TNKS: variants seen among roughly 807,000 people sequenced by gnomAD.
TNKS encodes poly [ADP-ribose] polymerase tankyrase-1.
TNKS carries 72 observed loss-of-function variants against 135.8 expected under a neutral mutation model. The observed-to-expected ratio is 0.53, with a 90% CI of 0.44 to 0.64. The LOEUF (loss-of-function observed/expected upper bound fraction) is 0.64. Ranked by LOEUF, TNKS falls within the 30% of genes least tolerant of loss-of-function variation. The pLI, the probability that TNKS is intolerant of heterozygous loss-of-function variation, is 0.00. For synonymous variants in TNKS, 849 were observed against 649.3 expected (o/e 1.31, Z -4.68); for missense variants, 1,769 against 1,674.0 (o/e 1.06, Z -0.99).
chr8:9,591,676 G>A (rs1330997976), intron 2 of TNKS, among the ~76,000 whole-genome samples: 1 of 152,148 alleles, frequency 6.6e-6, no homozygotes, highest in Non-Finnish European at 1.5e-5. Context: ...TTGGATGTGT[G>A]TATTGTGAAT....
At position 9,766,383 on chromosome 8, in the gene TNKS, G is replaced by A. The variant is rs1480984198; in HGVS notation, c.3698G>A (p.Gly1233Asp). 1 of 1,613,518 alleles carries A rather than the reference G, an allele frequency of 6.2e-7. No individual in the cohort carries two copies. Among genetic ancestry groups the A allele is most frequent in the Admixed American group, 1.7e-5 (1 of 59,998 alleles). The change falls in exon 25 of 27, where the codon GGC (glycine) becomes GAC (aspartate). Residue 1233 changes from glycine to aspartate, a missense_variant. Coordinates refer to ENST00000310430, the MANE Select transcript of TNKS (RefSeq NM_003747.3). Reference sequence around the variant, plus strand: ...GTTTATGGAATTGGAGGAGGAACAGGCTGCCCTACACACAAGGACAGGTCA... The same window carrying A: ...GTTTATGGAATTGGAGGAGGAACAGACTGCCCTACACACAAGGACAGGTCA... ...QYVYGIGGGTGCPTHKDRSCY... is the reference protein window; with the variant it reads ...QYVYGIGGGTDCPTHKDRSCY...
intron 2 of TNKS, among the ~76,000 whole-genome samples, chr8:9,582,774 A>G (rs775117287): frequency 2.0e-5 from 3 of 152,304 alleles, no homozygotes; most frequent in East Asian, 1.9e-4. Flanking sequence ...ATTAATTACT[A>G]TTATTATTGT....
intron 11 of TNKS, 44 bp from the exon 12 acceptor site, chr8:9,720,330 A>C (rs766209262): frequency 2.0e-6 from 3 of 1,503,056 alleles, no homozygotes; most frequent in Non-Finnish European, 2.7e-6. Flanking sequence ...AAAGGAAACT[A>C]AACAAGATGC....
chr8:9,740,075 A>G (rs865824499), intron 17 of TNKS, among the ~76,000 whole-genome samples: 144 of 150,460 alleles, frequency 9.6e-4, no homozygotes, highest in African/African-American at 3.3e-3. Flanking sequence ...AAAAAAAAAA[A>G]AAAAAGAAAG....
chr8:9,598,765 G>GTGTGTATA (rs1449352201), intron 2 of TNKS, among the ~76,000 whole-genome samples: 4 of 49,630 alleles, frequency 8.1e-5, no homozygotes, highest in Non-Finnish European at 1.5e-4. Flanking sequence ...ATGTGTGTGT[G>GTGTGTATA]TATATATATA....
intron 11 of TNKS, among the ~76,000 whole-genome samples, chr8:9,717,626 C>T (rs908318755): frequency 6.6e-6 from 1 of 152,094 alleles, no homozygotes; most frequent in Admixed American, 6.5e-5. Context: ...GAGGCATTCA[C>T]TTACCAACCA....
At chr8:9,613,117 T>C (rs193301770) in intron 2 of TNKS, among the ~76,000 whole-genome samples, 124 of 152,282 alleles carry the variant, frequency 8.1e-4, no homozygotes, top group African/African-American at 2.8e-3. Flanking sequence ...TGTGGACTGA[T>C]GCAGTTCAAA....
At chr8:9,760,635 T>C (rs1245497301) in intron 20 of TNKS, among the ~76,000 whole-genome samples, 1 of 152,188 alleles carries the variant, frequency 6.6e-6, no homozygotes, top group Non-Finnish European at 1.5e-5. Context: ...GAAAATTGCA[T>C]GTTCAGCCTT....
At chr8:9,684,642 A>C (rs1431820143) in intron 5 of TNKS, among the ~76,000 whole-genome samples, 1 of 152,146 alleles carries the variant, frequency 6.6e-6, no homozygotes. Flanking sequence ...TATGTCACCA[A>C]TTAAAAGTAA....
Position 9,751,639 on chromosome 8 carries a change from G to T in TNKS, c.2863G>T (p.Ala955Ser), listed in dbSNP as rs759113562. The T allele has an allele frequency of 1.9e-6, 3 of 1,614,050 alleles. No individual in the cohort carries two copies. Among genetic ancestry groups the T allele is most frequent in the East Asian group, 4.5e-5 (2 of 44,876 alleles). Residue 955 changes from alanine to serine, a missense_variant, in exon 19 of 27, where the codon GCC (alanine) becomes TCC (serine). By Grantham distance (99) the Ala-to-Ser change is moderately conservative. Coordinates refer to ENST00000310430, the MANE Select transcript of TNKS (RefSeq NM_003747.3). Reference sequence around the variant, plus strand: ...CGATATCAGAGCTTTGCTGATAGATGCCATGCCCCCAGAGGCCTTACCTAC... The same window carrying T: ...CGATATCAGAGCTTTGCTGATAGATTCCATGCCCCCAGAGGCCTTACCTAC... ...ADDIRALLID[A>S]MPPEALPTCF...
At chr8:9,665,031 G>C (rs896304932) in intron 3 of TNKS, among the ~76,000 whole-genome samples, 2 of 152,154 alleles carry the variant, frequency 1.3e-5, no homozygotes, top group African/African-American at 4.8e-5. Flanking sequence ...TTCCTTTTGA[G>C]AGCCCTCTCT....
intron 3 of TNKS, among the ~76,000 whole-genome samples, chr8:9,657,150 G>C (rs1404723819): frequency 7.4e-6 from 1 of 135,920 alleles, no homozygotes; most frequent in Non-Finnish European, 1.6e-5. Flanking sequence ...CCTCCCAGAC[G>C]GGGTGGTGGC....
intron 3 of TNKS, among the ~76,000 whole-genome samples, chr8:9,657,593 G>T (rs1393724869): frequency 3.4e-5 from 3 of 87,892 alleles, no homozygotes; most frequent in South Asian, 5.5e-4. Context: ...CGGCTGGCCG[G>T]GCGGAGGGCT....
At chr8:9,769,889 A>C (rs1420868287) in intron 25 of TNKS, among the ~76,000 whole-genome samples, 1 of 151,996 alleles carries the variant, frequency 6.6e-6, no homozygotes, top group African/African-American at 2.4e-5. Context: ...AGCCATACCA[A>C]AACTACTTTA....
chr8:9,622,376 G>A (rs961611240), intron 3 of TNKS, among the ~76,000 whole-genome samples: 1 of 152,158 alleles, frequency 6.6e-6, no homozygotes, highest in Non-Finnish European at 1.5e-5. Context: ...AGCTGACACC[G>A]CCTGAATCCT....
At chr8:9,772,753 A>C (rs1043894864) in intron 26 of TNKS, among the ~76,000 whole-genome samples, 1 of 151,296 alleles carries the variant, frequency 6.6e-6, no homozygotes, top group South Asian at 2.1e-4. Flanking sequence ...GGGATAAAGG[A>C]CCATGATGAT....
intron 3 of TNKS, among the ~76,000 whole-genome samples, chr8:9,632,142 T>A (rs1467609461): frequency 6.6e-6 from 1 of 152,148 alleles, no homozygotes; most frequent in Non-Finnish European, 1.5e-5. Flanking sequence ...TACAAAGAAG[T>A]TTTTACTTCT....
At chr8:9,764,875 G>C in intron 23 of TNKS, 85 bp downstream of exon 23, 1 of 1,103,156 alleles carries the variant, frequency 9.1e-7, no homozygotes, top group East Asian at 2.7e-5. Flanking sequence ...AGTTTATTAA[G>C]TCATATTTTC....
At chr8:9,659,011 G>T (rs1378473476) in intron 3 of TNKS, among the ~76,000 whole-genome samples, 5 of 152,148 alleles carry the variant, frequency 3.3e-5, no homozygotes, top group Non-Finnish European at 5.9e-5. Context: ...ATGGTAAAGG[G>T]ATCAATTCCA....
Sources: gnomAD v4.1 joint callset for allele counts (sites outside exome capture counted in the v4.1 genomes callset) on GRCh38, gnomAD v4.1.1 for gene constraint, MANE v1.5 for transcripts, NCBI Gene and HGNC (gene_info 2026-07-23, HGNC 2026-07-21) for gene names.